Variants in PTPRM observed in about 807,000 individuals in gnomAD.
The protein encoded by PTPRM is receptor-type tyrosine-protein phosphatase mu.
A neutral mutation model predicts 186.7 loss-of-function variants in PTPRM; 47 were observed. The observed-to-expected ratio is 0.25, with a 90% CI of 0.20 to 0.32. PTPRM has a LOEUF of 0.32. Among genes scored for constraint, PTPRM ranks in the 10% least tolerant of loss-of-function variants. PTPRM has a pLI of 1.00. For missense variants in PTPRM, 1,494 were observed against 1,865.0 expected, an observed-to-expected ratio of 0.80 and a Z score of 3.66; for synonymous variants, 668 against 674.9, an observed-to-expected ratio of 0.99 and a Z score of 0.16.
At chr18:7,987,697 G>A (rs1017387658) in intron 7 of PTPRM, among the ~76,000 whole-genome samples, 4 of 152,242 alleles carry the variant, frequency 2.6e-5, no homozygotes, top group Middle Eastern at 6.8e-3. Flanking sequence ...CTCATAAAAA[G>A]TAAGTAGATT....
At chr18:8,309,178 T>C (rs886564658) in intron 20 of PTPRM, among the ~76,000 whole-genome samples, 7 of 152,212 alleles carry the variant, frequency 4.6e-5, no homozygotes, top group Non-Finnish European at 2.9e-5. Flanking sequence ...ACAGTATCCA[T>C]TTCCTCATGG....
intron 1 of PTPRM, among the ~76,000 whole-genome samples, chr18:7,571,639 A>T (rs1466444489): frequency 6.6e-6 from 1 of 152,220 alleles, no homozygotes. Context: ...AAATGTTAAC[A>T]TAACCTTGTG....
intron 1 of PTPRM, among the ~76,000 whole-genome samples, chr18:7,614,767 G>C (rs577467301): frequency 6.6e-6 from 1 of 152,298 alleles, no homozygotes; most frequent in African/African-American, 2.4e-5. Context: ...TCGATGTGCT[G>C]TCAGTCTTGA....
At chr18:7,870,209 A>T (rs1033213874) in intron 2 of PTPRM, among the ~76,000 whole-genome samples, 5 of 152,170 alleles carry the variant, frequency 3.3e-5, no homozygotes, top group Admixed American at 1.3e-4. Context: ...TGTTTGTGGT[A>T]AGTTAAGGCC....
chr18:7,756,985 G>A (rs934299180), intron 1 of PTPRM, among the ~76,000 whole-genome samples: 7 of 152,206 alleles, frequency 4.6e-5, no homozygotes, highest in Non-Finnish European at 1.0e-4. Context: ...CTTCAGCCAT[G>A]TTTTAAATAT....
chr18:7,742,585 T>A (rs1478936664), intron 1 of PTPRM, among the ~76,000 whole-genome samples: 1 of 152,192 alleles, frequency 6.6e-6, no homozygotes. Context: ...ACTCTTGTAA[T>A]CCCAGCGCTT....
intron 11 of PTPRM, among the ~76,000 whole-genome samples, chr18:8,106,338 CTGTTG>C (rs1282967389): frequency 6.6e-6 from 1 of 150,950 alleles, no homozygotes; most frequent in Non-Finnish European, 1.5e-5. Flanking sequence ...TTTTTTGTTG[CTGTTG>C]TGTTATCTTT....
At chr18:7,749,112 C>T (rs936967012) in intron 1 of PTPRM, 2 of 152,182 alleles carry the variant, frequency 1.3e-5, no homozygotes, top group African/African-American at 4.8e-5. Flanking sequence ...TTTGGAGTTA[C>T]TTGCCCAGAA....
chr18:7,694,178 T>G (rs2039792858), intron 1 of PTPRM, among the ~76,000 whole-genome samples: 1 of 152,174 alleles, frequency 6.6e-6, no homozygotes, highest in African/African-American at 2.4e-5. Context: ...TCCCTTGTAT[T>G]GTCAACTTCT....
intron 1 of PTPRM, among the ~76,000 whole-genome samples, chr18:7,765,838 A>G (rs2144815467): frequency 6.6e-6 from 1 of 152,334 alleles, no homozygotes; most frequent in Middle Eastern, 3.4e-3. Context: ...ACAATGAGAA[A>G]AATTTTCCAG....
intron 7 of PTPRM, among the ~76,000 whole-genome samples, chr18:8,027,859 G>A (rs1436444298): frequency 6.6e-6 from 1 of 152,122 alleles, no homozygotes; most frequent in Non-Finnish European, 1.5e-5. Context: ...CTTTTTATCT[G>A]TTAGCGATTT....
At chr18:8,403,626 TCA>T (rs1030192116) in intron 32 of PTPRM, 2 of 152,226 alleles carry the variant, frequency 1.3e-5, no homozygotes, top group Admixed American at 1.3e-4. Context: ...TTCAGTGTAT[TCA>T]CAGAGTTATG....
intron 2 of PTPRM, among the ~76,000 whole-genome samples, chr18:7,830,109 A>G (rs1664831866): frequency 6.6e-6 from 1 of 152,206 alleles, no homozygotes; most frequent in African/African-American, 2.4e-5. Flanking sequence ...ATATAACAGA[A>G]TGTAGTAATG....
chr18:7,935,642 T>C (rs1231356488), intron 5 of PTPRM, among the ~76,000 whole-genome samples: 1 of 152,116 alleles, frequency 6.6e-6, no homozygotes, highest in Non-Finnish European at 1.5e-5. Context: ...CGACTTGAAA[T>C]TGGACTTTTT....
intron 24 of PTPRM, among the ~76,000 whole-genome samples, chr18:8,375,820 T>C (rs2095691027): frequency 6.6e-6 from 1 of 152,196 alleles, no homozygotes; most frequent in Non-Finnish European, 1.5e-5. Context: ...AATTAGCATT[T>C]TCCCCAAACA....
intron 14 of PTPRM, among the ~76,000 whole-genome samples, chr18:8,240,470 G>A (rs1249111010): frequency 3.4e-4 from 18 of 52,270 alleles, no homozygotes; most frequent in East Asian, 7.6e-4. Flanking sequence ...AGAGAGGGAG[G>A]GAGGGAGGGG....
At chr18:7,650,932 CTTT>C (rs35637548) in intron 1 of PTPRM, among the ~76,000 whole-genome samples, 2,348 of 137,100 alleles carry the variant, frequency 0.017, 71 homozygotes, top group African/African-American at 0.061. Flanking sequence ...AGAGAAATAT[CTTT>C]TTTTTTTTTT....
At chr18:7,609,375 G>A (rs2037615868) in intron 1 of PTPRM, among the ~76,000 whole-genome samples, 2 of 152,146 alleles carry the variant, frequency 1.3e-5, no homozygotes, top group South Asian at 2.1e-4. Context: ...GTGGCGAAGC[G>A]TTGGCCTGGA....
intron 3 of PTPRM, among the ~76,000 whole-genome samples, chr18:7,897,755 A>G (rs554446661): frequency 4.6e-5 from 7 of 152,278 alleles, no homozygotes; most frequent in African/African-American, 1.2e-4. Flanking sequence ...CTATATGCAT[A>G]TCAACCCTGT....
Sources: gnomAD v4.1 joint callset for allele counts (sites outside exome capture counted in the v4.1 genomes callset) on GRCh38, gnomAD v4.1.1 for gene constraint, MANE v1.5 for transcripts, NCBI Gene and HGNC (gene_info 2026-07-23, HGNC 2026-07-21) for gene names.